Variants in CCDC7 observed in about 807,000 individuals in gnomAD.
CCDC7 encodes the protein coiled-coil domain-containing protein 7.
A neutral mutation model predicts 196.9 loss-of-function variants in CCDC7; 183 were observed. The ratio of observed to expected loss-of-function variants is 0.93; its 90% confidence interval spans 0.82 to 1.05. The LOEUF (loss-of-function observed/expected upper bound fraction) is 1.05. Among genes scored for constraint, CCDC7 ranks in the 50% least tolerant of loss-of-function variants. CCDC7 has a pLI of 0.00. For missense variants in CCDC7, 1,540 were observed against 1,482.2 expected (o/e 1.04, Z -0.64); for synonymous variants, 525 against 484.6 (o/e 1.08, Z -1.10).
intron 8 of CCDC7, among the ~76,000 whole-genome samples, chr10:32,482,709 T>G (rs1287514956): frequency 6.6e-6 from 1 of 151,978 alleles, no homozygotes; most frequent in Non-Finnish European, 1.5e-5. Flanking sequence ...CCATGTGTTC[T>G]CATTGTTCAG....
At chr10:32,704,508 C>T (rs955499379) in intron 24 of CCDC7, among the ~76,000 whole-genome samples, 2 of 152,120 alleles carry the variant, frequency 1.3e-5, no homozygotes, top group African/African-American at 2.4e-5. Flanking sequence ...AAACTCCATG[C>T]TGGGAGAACC....
intron 28 of CCDC7, among the ~76,000 whole-genome samples, chr10:32,762,497 A>T (rs549727561): frequency 1.3e-5 from 2 of 151,748 alleles, no homozygotes; most frequent in South Asian, 4.1e-4. Context: ...TATAACTTCT[A>T]TGGAATCACA....
At chr10:32,551,827 A>G (rs1054376385) in intron 13 of CCDC7, among the ~76,000 whole-genome samples, 3 of 152,156 alleles carry the variant, frequency 2.0e-5, no homozygotes, top group Admixed American at 6.5e-5. Flanking sequence ...CATATGGTCT[A>G]TCCTGGAGAA....
chr10:32,461,970 C>T (rs570948636), intron 3 of CCDC7, among the ~76,000 whole-genome samples: 1 of 151,486 alleles, frequency 6.6e-6, no homozygotes, highest in African/African-American at 2.4e-5. Context: ...CGGGGTTTCT[C>T]CATGTTGGTC....
chr10:32,444,258 C>T (rs889558090), upstream of CCDC7, among the ~76,000 whole-genome samples: 4 of 152,198 alleles, frequency 2.6e-5, no homozygotes, highest in Admixed American at 2.6e-4. Context: ...AAAAGTTCCT[C>T]TCTATTCATA....
chr10:32,662,576 C>T (rs1050470813), intron 20 of CCDC7, among the ~76,000 whole-genome samples: 4 of 152,110 alleles, frequency 2.6e-5, no homozygotes, highest in Admixed American at 6.6e-5. Flanking sequence ...TCAATCTCTT[C>T]CTTGAGACCT....
chr10:32,678,239 T>G (rs140446799), intron 21 of CCDC7, among the ~76,000 whole-genome samples: 4 of 152,278 alleles, frequency 2.6e-5, no homozygotes, highest in Non-Finnish European at 5.9e-5. Context: ...GAATCTCTTA[T>G]TTGAGCTATA....
At chr10:32,734,676 C>G (rs1339147914) in intron 28 of CCDC7, among the ~76,000 whole-genome samples, 3 of 152,114 alleles carry the variant, frequency 2.0e-5, no homozygotes, top group Non-Finnish European at 2.9e-5. Context: ...GGGCAGATTG[C>G]CTGAGCTCAG....
At chr10:32,796,054 G>T (rs1039270333) in intron 29 of CCDC7, among the ~76,000 whole-genome samples, 1 of 152,164 alleles carries the variant, frequency 6.6e-6, no homozygotes, top group Non-Finnish European at 1.5e-5. Flanking sequence ...GGCTAAGGAT[G>T]ATAGGCTTAC....
At chr10:32,577,548 A>C (rs1437253771) in intron 16 of CCDC7, among the ~76,000 whole-genome samples, 1 of 152,042 alleles carries the variant, frequency 6.6e-6, no homozygotes, top group Non-Finnish European at 1.5e-5. Flanking sequence ...ATGGGATCTC[A>C]ACAACTCACC....
chr10:32,525,873 C>T (rs893472763), intron 11 of CCDC7, among the ~76,000 whole-genome samples: 1 of 152,190 alleles, frequency 6.6e-6, no homozygotes, highest in East Asian at 1.9e-4. Context: ...CAGAGTCTCT[C>T]TCTCTCTGCT....
chr10:32,749,978 T>G (rs2075408719), intron 28 of CCDC7, among the ~76,000 whole-genome samples: 2 of 152,128 alleles, frequency 1.3e-5, no homozygotes, highest in Admixed American at 1.3e-4. Context: ...AAGATAACAG[T>G]TTTCTTGTTT....
At chr10:32,538,332 A>G (rs1365757647) in intron 11 of CCDC7, among the ~76,000 whole-genome samples, 1 of 152,052 alleles carries the variant, frequency 6.6e-6, no homozygotes, top group African/African-American at 2.4e-5. Context: ...TTGTATATGG[A>G]CTTCGTACCC....
intron 27 of CCDC7, 21 bp from the exon 29 acceptor site, chr10:32,729,311 C>T: frequency 1.3e-6 from 2 of 1,539,516 alleles, no homozygotes; most frequent in Non-Finnish European, 1.7e-6. Flanking sequence ...TTCTATTGCA[C>T]ATCTATTTTT....
At chr10:32,561,713 G>T (rs561296806) in intron 13 of CCDC7, among the ~76,000 whole-genome samples, 255 of 152,108 alleles carry the variant, frequency 1.7e-3, no homozygotes, top group Middle Eastern at 0.014. Context: ...GATCTAAAAT[G>T]GACACCCTAA....
chr10:32,791,561 G>C (rs73255985), intron 29 of CCDC7, among the ~76,000 whole-genome samples: 8,002 of 151,536 alleles, frequency 0.053, 712 homozygotes, highest in African/African-American at 0.18. Flanking sequence ...AAATCTTGGA[G>C]TTGAACTCAG....
At chr10:32,488,453 T>C (rs1480568874) in intron 8 of CCDC7, among the ~76,000 whole-genome samples, 1 of 152,222 alleles carries the variant, frequency 6.6e-6, no homozygotes, top group Non-Finnish European at 1.5e-5. Flanking sequence ...AATGCCTTGC[T>C]GTGCTTCGGC....
downstream of CCDC7, among the ~76,000 whole-genome samples, chr10:32,881,140 G>C (rs972812732): frequency 2.0e-5 from 3 of 152,070 alleles, no homozygotes; most frequent in African/African-American, 7.2e-5. Flanking sequence ...TTCATAAGTT[G>C]GTGGCTAACA....
Position 32,518,307 on chromosome 10 carries a change from CT to C in CCDC7, c.904-105del, listed in dbSNP as rs549358564. 4.8e-4 allele frequency: 578 copies of C among 1,193,152 alleles called. 2 individuals carry two copies. The Middle Eastern group carries it at 6.0e-3, about 12-fold the overall frequency. 73.9% of individuals were successfully genotyped at this position (1,193,152 alleles called of 1,614,324 possible). On this transcript the variant is annotated intron_variant, in intron 10 of 41. Coordinates refer to ENST00000639629, the Ensembl canonical transcript of CCDC7. ...TACAGACTGATATCAATGTTTCATT[CT>C]TTTCATGAGTTAATGAAGACTTTCT...
Sources: allele counts gnomAD v4.1 joint callset (sites outside exome capture counted in the v4.1 genomes callset), GRCh38; gene constraint gnomAD v4.1.1; transcripts MANE v1.5; gene names NCBI Gene and HGNC (gene_info 2026-07-23, HGNC 2026-07-21).